The following KLHL18 variants were observed in gnomAD, a reference collection of about 807,000 sequenced individuals.
KLHL18 encodes kelch-like protein 18.
Under a neutral mutation model 58.5 loss-of-function variants are expected in KLHL18, and 38 were observed. That is an observed-to-expected ratio of 0.65 (90% CI 0.50 to 0.85). The LOEUF is 0.85. KLHL18 is among the 40% of genes least tolerant of loss of function. The pLI is 0.00. For missense variants in KLHL18, 624 were observed against 778.4 expected, an observed-to-expected ratio of 0.80 and a Z score of 2.36; for synonymous variants, 303 against 301.9, an observed-to-expected ratio of 1.00 and a Z score of -0.04.
chr3:47,321,183 G>A (rs185467563), intron 2 of KLHL18, among the ~76,000 whole-genome samples: 2 of 151,910 alleles, frequency 1.3e-5, no homozygotes, highest in Non-Finnish European at 2.9e-5. Flanking sequence ...AGTGGAGGGG[G>A]AGGCAATGGA....
intron 1 of KLHL18, among the ~76,000 whole-genome samples, chr3:47,298,353 TAAAA>T (rs36006254): frequency 8.4e-6 from 1 of 118,554 alleles, no homozygotes; most frequent in Non-Finnish European, 1.7e-5. Context: ...ATCCTGTCTC[TAAAA>T]AAAAAAAAAA....
chr3:47,334,538 T>A lies in KLHL18; in HGVS notation c.762-145T>A. The A allele has an allele frequency of 1.2e-6, 1 of 829,824 alleles. No homozygotes were observed. The highest frequency in any genetic ancestry group is 1.9e-6 in the Non-Finnish European group (1 of 526,534). The allele number at this position is 829,824 out of a possible 1,614,324, so 51.4% of individuals were successfully genotyped here. On this transcript the variant is annotated intron_variant, in intron 5 of 9. Transcript: ENST00000232766. This position sits in a 1 kb window ranked among gnomAD's most constrained non-coding sequence, Gnocchi z 4.7. ...ATGTATGATTTTCCCAGAACTCACC[T>A]GGTTTCTTTGAGACCAGACCTTCCA...
At chr3:47,321,646 G>T (rs533425062) in intron 2 of KLHL18, among the ~76,000 whole-genome samples, 1 of 152,236 alleles carries the variant, frequency 6.6e-6, no homozygotes, top group East Asian at 1.9e-4. Flanking sequence ...CACTGCGCCC[G>T]GCTTCTGCCA....
chr3:47,342,598 G>A, intron 8 of KLHL18, 121 bp from the exon 9 acceptor site: 3 of 729,888 alleles, frequency 4.1e-6, no homozygotes, highest in Non-Finnish European at 6.9e-6. Context: ...GAGGTGGTGG[G>A]AGAGGTGATA....
At chr3:47,341,589 C>T (rs1704109406) in intron 8 of KLHL18, among the ~76,000 whole-genome samples, 1 of 152,092 alleles carries the variant, frequency 6.6e-6, no homozygotes, top group South Asian at 2.1e-4. Context: ...GGTGTTTGCT[C>T]ATCATAGGGA....
chr3:47,295,989 G>T (rs1702888962), intron 1 of KLHL18, among the ~76,000 whole-genome samples: 1 of 152,100 alleles, frequency 6.6e-6, no homozygotes, highest in South Asian at 2.1e-4. Flanking sequence ...ATCCCTCCAG[G>T]TGTAGTTCAT....
intron 1 of KLHL18, among the ~76,000 whole-genome samples, chr3:47,313,552 T>A (rs1703354747): frequency 6.6e-6 from 1 of 152,122 alleles, no homozygotes; most frequent in Admixed American, 6.6e-5. Flanking sequence ...TTTCTCCCAG[T>A]GGTAATATCT....
At chr3:47,328,466 C>T (rs1366265338) in intron 3 of KLHL18, among the ~76,000 whole-genome samples, 1 of 152,138 alleles carries the variant, frequency 6.6e-6, no homozygotes, top group Non-Finnish European at 1.5e-5. Context: ...TAGCTGTTGT[C>T]ATCATCTTCT....
At chr3:47,324,294 C>CTTTT (rs1559498832) in intron 3 of KLHL18, among the ~76,000 whole-genome samples, 4 of 10,598 alleles carry the variant, frequency 3.8e-4, no homozygotes, top group Non-Finnish European at 5.6e-4. Flanking sequence ...CTTTTTCTTT[C>CTTTT]TTTCTTTTTT....
At chr3:47,292,742 C>CA (rs1411165829) in intron 1 of KLHL18, among the ~76,000 whole-genome samples, 1 of 150,390 alleles carries the variant, frequency 6.6e-6, no homozygotes, top group Non-Finnish European at 1.5e-5. Context: ...CTTGTCTTTA[C>CA]AAAAAATACA....
chr3:47,310,743 G>A (rs1003864071), intron 1 of KLHL18, among the ~76,000 whole-genome samples: 1 of 152,140 alleles, frequency 6.6e-6, no homozygotes, highest in African/African-American at 2.4e-5. Context: ...AAGTCATCTT[G>A]ACACCTCTTT....
At chr3:47,285,768 T>G (rs1324158350) in intron 1 of KLHL18, among the ~76,000 whole-genome samples, 2 of 152,154 alleles carry the variant, frequency 1.3e-5, no homozygotes, top group Non-Finnish European at 2.9e-5. Context: ...CAGACATGGC[T>G]GGGTGCAGTG....
chr3:47,294,595 G>T (rs1226129274), intron 1 of KLHL18, among the ~76,000 whole-genome samples: 3 of 152,114 alleles, frequency 2.0e-5, no homozygotes, highest in Non-Finnish European at 4.4e-5. Flanking sequence ...GAATGATAAG[G>T]GCAGAGTGAC....
intron 1 of KLHL18, among the ~76,000 whole-genome samples, chr3:47,319,114 G>A (rs1367486098): frequency 2.6e-5 from 4 of 152,200 alleles, no homozygotes; most frequent in Non-Finnish European, 5.9e-5. Context: ...AGGAAGAGTT[G>A]GCCTCTGTCC....
At chr3:47,309,782 G>A (rs919797866) in intron 1 of KLHL18, among the ~76,000 whole-genome samples, 5 of 152,180 alleles carry the variant, frequency 3.3e-5, no homozygotes, top group African/African-American at 9.7e-5. Flanking sequence ...CGGATCACTC[G>A]CGGTTAGGAG....
At chr3:47,297,346 C>T (rs142181419) in intron 1 of KLHL18, among the ~76,000 whole-genome samples, 1 of 152,264 alleles carries the variant, frequency 6.6e-6, no homozygotes, top group African/African-American at 2.4e-5. Context: ...TCTCTCTGTC[C>T]GTATTCTAGG....
At chr3:47,322,453 A>C in intron 2 of KLHL18, 115 bp from the exon 3 acceptor site, 1 of 954,260 alleles carries the variant, frequency 1.0e-6, no homozygotes. Flanking sequence ...TTACTCCATT[A>C]GATAGATTCT....
intron 1 of KLHL18, among the ~76,000 whole-genome samples, chr3:47,317,781 T>C (rs1703490830): frequency 6.6e-6 from 1 of 152,124 alleles, no homozygotes; most frequent in African/African-American, 2.4e-5. Context: ...GGATAGTACA[T>C]GAAGAAAGGT....
chr3:47,310,343 T>G lies in KLHL18; in HGVS notation c.130-9310T>G, dbSNP rs60763288. Among the ~76,000 whole-genome samples, 1,062 of 152,284 alleles carry G rather than the reference T, an allele frequency of 7.0e-3. 12 individuals carry two copies. The highest frequency in any genetic ancestry group is 0.024 in the African/African-American group (1,016 of 41,560). ...ACACTCTTTTCTACCTCCAGACATCTTCCTGCTTCTCTTCTCATTTCCTTT... is the reference window on the plus strand; with the variant it reads ...ACACTCTTTTCTACCTCCAGACATCGTCCTGCTTCTCTTCTCATTTCCTTT... On this transcript the variant is annotated intron_variant, in intron 1 of 9. Transcript: ENST00000232766.
Sources: gnomAD v4.1 joint callset for allele counts (sites outside exome capture counted in the v4.1 genomes callset) on GRCh38, gnomAD v4.1.1 for gene constraint, Gnocchi (gnomAD v3.1) non-coding constraint, MANE v1.5 for transcripts, NCBI Gene and HGNC (gene_info 2026-07-23, HGNC 2026-07-21) for gene names.